Variants in PTPRT observed in about 807,000 individuals in gnomAD.
PTPRT encodes the protein receptor-type tyrosine-protein phosphatase T.
Under a neutral mutation model 176.8 loss-of-function variants are expected in PTPRT, and 56 were observed. The ratio of observed to expected loss-of-function variants is 0.32; its 90% CI spans 0.26 to 0.40. PTPRT has a LOEUF of 0.40. Ranked by LOEUF, PTPRT falls within the 10% of genes least tolerant of loss-of-function variation. PTPRT has a pLI of 1.00. For synonymous variants in PTPRT, 783 were observed against 739.0 expected, an observed-to-expected ratio of 1.06 and a Z score of -0.96; for missense variants, 1,540 against 1,908.2, an observed-to-expected ratio of 0.81 and a Z score of 3.60.
At chr20:42,101,824 T>C (rs1985963390) in intron 26 of PTPRT, among the ~76,000 whole-genome samples, 2 of 152,008 alleles carry the variant, frequency 1.3e-5, no homozygotes, top group Admixed American at 6.5e-5. Context: ...GTCGGCTCTG[T>C]GGGGAATGGA....
chr20:42,625,974 C>T (rs2074282137), intron 7 of PTPRT, among the ~76,000 whole-genome samples: 1 of 146,920 alleles, frequency 6.8e-6, no homozygotes, highest in Admixed American at 6.9e-5. Flanking sequence ...TCATCAAAAT[C>T]AGAATGGATG....
At chr20:43,048,229 G>A (rs1986910495) in intron 1 of PTPRT, among the ~76,000 whole-genome samples, 1 of 152,100 alleles carries the variant, frequency 6.6e-6, no homozygotes, top group Admixed American at 6.5e-5. Flanking sequence ...AGAGAGGAAG[G>A]GGTCGCTCAG....
At chr20:42,735,299 G>A (rs1003945189) in intron 6 of PTPRT, among the ~76,000 whole-genome samples, 3 of 152,188 alleles carry the variant, frequency 2.0e-5, no homozygotes, top group South Asian at 2.1e-4. Flanking sequence ...AGAGGGAAAC[G>A]GCTTCAGCCA....
rs780807494 is a variant in PTPRT at position 42,080,917 on chromosome 20, C to A, written c.4288G>T (p.Val1430Leu). 12 of 1,607,954 alleles carry A rather than the reference C, an allele frequency of 7.5e-6. No individual in the cohort carries two copies. The East Asian group carries it at 2.0e-4, about 27-fold the overall frequency. The change falls in exon 31 of 31, where the codon GTA (valine) becomes TTA (leucine). Residue 1430 changes from valine to leucine, a missense_variant. Physicochemically the swap from Val to Leu is conservative, Grantham distance 32. Transcript: ENST00000373187. ...MVETLEQYKFVYEVALEYLSS... is the reference protein window; with the variant it reads ...MVETLEQYKFLYEVALEYLSS... ...AAATATTCCAGTGCCACCTCGTATA[C>A]AAATTTATACTGTTCCTGAGAGGCG...
At chr20:42,497,582 T>C (rs1568929977) in intron 7 of PTPRT, among the ~76,000 whole-genome samples, 1 of 152,140 alleles carries the variant, frequency 6.6e-6, no homozygotes, top group African/African-American at 2.4e-5. Flanking sequence ...TGTACCAGGC[T>C]CTTTTCTTGA....
At chr20:42,514,180 T>A (rs915805890) in intron 7 of PTPRT, among the ~76,000 whole-genome samples, 3 of 152,340 alleles carry the variant, frequency 2.0e-5, no homozygotes, top group Non-Finnish European at 2.9e-5. Context: ...GATATATTCA[T>A]CTTTTGCTTT....
At chr20:42,419,382 G>A (rs932319898) in intron 9 of PTPRT, among the ~76,000 whole-genome samples, 5 of 152,196 alleles carry the variant, frequency 3.3e-5, no homozygotes, top group African/African-American at 1.2e-4. Context: ...GGTGCCTACA[G>A]TACCAGGGCA....
At chr20:42,568,123 C>T (rs1483847755) in intron 7 of PTPRT, among the ~76,000 whole-genome samples, 1 of 152,072 alleles carries the variant, frequency 6.6e-6, no homozygotes, top group African/African-American at 2.4e-5. Context: ...CACCCACCAC[C>T]ATGCCCGGCT....
At chr20:42,322,851 G>A (rs371468813) in intron 11 of PTPRT, among the ~76,000 whole-genome samples, 6 of 151,954 alleles carry the variant, frequency 3.9e-5, no homozygotes, top group Non-Finnish European at 7.4e-5. Context: ...AATTTTTGCA[G>A]CCTACTCATC....
intron 9 of PTPRT, among the ~76,000 whole-genome samples, chr20:42,430,319 T>C (rs2059204541): frequency 1.3e-5 from 2 of 152,212 alleles, no homozygotes; most frequent in Admixed American, 6.5e-5. Flanking sequence ...GGAAAATGCT[T>C]GGCCTGCAGA....
At chr20:42,340,011 C>T (rs1026756878) in intron 11 of PTPRT, among the ~76,000 whole-genome samples, 10 of 152,144 alleles carry the variant, frequency 6.6e-5, no homozygotes, top group Non-Finnish European at 1.5e-4. Context: ...CAAACATGGG[C>T]CTTGACCTCT....
intron 13 of PTPRT, among the ~76,000 whole-genome samples, chr20:42,276,532 TATATATATATATA>T (rs2057037287): frequency 9.6e-5 from 5 of 52,094 alleles, no homozygotes; most frequent in African/African-American, 2.8e-4. Context: ...TATATATATA[TATATATATATATA>T]TATATATATA....
At chr20:42,049,144 A>T in the PTPRT span, among the ~76,000 whole-genome samples, 2 of 152,338 alleles carry the variant, frequency 1.3e-5, no homozygotes, top group East Asian at 3.9e-4. Context: ...TTACTTAGCG[A>T]AGTATAACTG....
intron 4 of PTPRT, among the ~76,000 whole-genome samples, chr20:42,775,509 A>G (rs1408687237): frequency 6.6e-6 from 1 of 152,234 alleles, no homozygotes; most frequent in African/African-American, 2.4e-5. Flanking sequence ...AATGGCTAAC[A>G]CTGAGAAACA....
At chr20:42,112,204 G>A (rs1441936571) in intron 22 of PTPRT, among the ~76,000 whole-genome samples, 1 of 152,202 alleles carries the variant, frequency 6.6e-6, no homozygotes, top group Non-Finnish European at 1.5e-5. Context: ...CAGGTGGGTG[G>A]ATCGGGGGTT....
rs556070269 is a variant in PTPRT at position 43,025,137 on chromosome 20, G to A, written c.89-139205C>T. Among the ~76,000 whole-genome samples the A allele has an allele frequency of 7.9e-5, 12 of 152,308 alleles. No individual in the cohort carries two copies. The South Asian group carries it at 2.5e-3, about 32-fold the overall frequency. ...ATAACCTGTTCTCCCAATAGACAAT[G>A]AGCCTCCTGTGGAATATATCTTTAG... On this transcript the variant is annotated intron_variant, in intron 1 of 30. Coordinates refer to ENST00000373187, the MANE Select transcript of PTPRT (RefSeq NM_007050.6).
intron 15 of PTPRT, among the ~76,000 whole-genome samples, chr20:42,219,124 T>A (rs2055830163): frequency 6.6e-6 from 1 of 152,176 alleles, no homozygotes; most frequent in Non-Finnish European, 1.5e-5. Flanking sequence ...TCTGCGCTCC[T>A]GGGGAAAGCT....
chr20:42,464,057 T>C (rs187135055), intron 8 of PTPRT, among the ~76,000 whole-genome samples: 190 of 152,270 alleles, frequency 1.2e-3, no homozygotes, highest in African/African-American at 4.4e-3. Flanking sequence ...CATGGTTTAT[T>C]TGAAGCAACG....
intron 5 of PTPRT, among the ~76,000 whole-genome samples, chr20:42,759,436 C>T (rs993889120): frequency 4.6e-5 from 7 of 152,124 alleles, no homozygotes; most frequent in African/African-American, 7.2e-5. Context: ...GAGGCTGAGG[C>T]GGGCAGATCA....
Sources: gnomAD v4.1 joint callset for allele counts (sites outside exome capture counted in the v4.1 genomes callset) on GRCh38, gnomAD v4.1.1 for gene constraint, MANE v1.5 for transcripts, NCBI Gene and HGNC (gene_info 2026-07-23, HGNC 2026-07-21) for gene names.